CLN6: variants seen among roughly 807,000 people sequenced by gnomAD.
The protein encoded by CLN6 is CLN6 transmembrane ER protein.
In CLN6, 22 loss-of-function variants were observed where a neutral mutation model predicts 33.3. The ratio of observed to expected loss-of-function variants is 0.66; its 90% CI spans 0.47 to 0.94. CLN6 has a LOEUF of 0.94. Among genes scored for constraint, CLN6 ranks in the 40% least tolerant of loss-of-function variants. The pLI is 0.00. For synonymous variants in CLN6, 201 were observed against 174.6 expected, an observed-to-expected ratio of 1.15 and a Z score of -1.19; for missense variants, 387 against 417.1, an observed-to-expected ratio of 0.93 and a Z score of 0.63.
At chr15:68,243,410 T>C (rs1892295985) in intron 1 of CLN6, among the ~76,000 whole-genome samples, 1 of 152,224 alleles carries the variant, frequency 6.6e-6, no homozygotes, top group Non-Finnish European at 1.5e-5. Flanking sequence ...ATGAAAATCT[T>C]ACCTTATGGT....
At position 68,208,007 on chromosome 15, in the gene CLN6, C is replaced by T. The variant is rs374330147; in HGVS notation, c.*133G>A. On this transcript the variant is annotated 3_prime_UTR_variant, in exon 7 of 7. Transcript: ENST00000249806. This position sits in a 1 kb window ranked among gnomAD's most constrained non-coding sequence, Gnocchi z 5.8. Reference sequence around the variant, plus strand: ...ACACACACACACACACACGAATCCACGCACACGAGGCACACCCCACTCATG... The same window carrying T: ...ACACACACACACACACACGAATCCATGCACACGAGGCACACCCCACTCATG... 3.9e-5 allele frequency: 35 copies of T among 903,646 alleles called. No homozygotes were observed. Among genetic ancestry groups the T allele is most frequent in the Admixed American group, 1.0e-4 (5 of 48,314 alleles). The allele number at this position is 903,646 out of a possible 1,614,324, so 56.0% of individuals were successfully genotyped here.
rs1595829021 is a variant in CLN6, at chr15:68,236,615, C to T, written c.180-17965G>A. Among the ~76,000 whole-genome samples, 1 of 152,244 alleles carries T rather than the reference C, an allele frequency of 6.6e-6. No individual in the cohort carries two copies. The stretch of plus-strand genomic sequence containing the variant: ...AGTTGATAGTGATGGCTAATGGATA[C>T]AGGATTCCTCTTTGGGTTGGTATAA... On this transcript the variant is annotated intron_variant, in intron 1 of 6. Coordinates refer to the CLN6 transcript ENST00000538696. This position sits in a 1 kb window ranked among gnomAD's most constrained non-coding sequence, Gnocchi z 4.5.
In CLN6 at chr15:68,211,140, G is replaced by C. The variant is rs1310041933; in HGVS notation, c.542+123C>G. On this transcript the variant is annotated intron_variant, in intron 5 of 6. Coordinates refer to ENST00000249806, the MANE Select transcript of CLN6 (RefSeq NM_017882.3). This position sits in a 1 kb window ranked among gnomAD's most constrained non-coding sequence, Gnocchi z 5.9. The stretch of plus-strand genomic sequence containing the variant: ...GTTGAGCTCACAGTGCCTTTACAGG[G>C]GATGAGACTCAACACATGGAGACCC... 1 of 859,544 alleles carries C rather than the reference G, an allele frequency of 1.2e-6. No individual in the cohort carries two copies. Among genetic ancestry groups the C allele is most frequent in the African/African-American group, 1.6e-5 (1 of 60,656 alleles). The allele number at this position is 859,544 out of a possible 1,614,324, so 53.2% of individuals were successfully genotyped here.
At chr15:68,233,484 A>G (rs1203356721), upstream of CLN6, among the ~76,000 whole-genome samples, 2 of 152,222 alleles carry the variant, frequency 1.3e-5, no homozygotes, top group African/African-American at 4.8e-5. This position sits in a 1 kb window ranked among gnomAD's most constrained non-coding sequence, Gnocchi z 4.3. Flanking sequence ...CCACACAGCG[A>G]GTTAGAAGCC....
At chr15:68,221,231 A>ACCCCCCCCCCCCCCCCCCCCCC (rs1595822598) in intron 1 of CLN6, among the ~76,000 whole-genome samples, 1 of 116,238 alleles carries the variant, frequency 8.6e-6, no homozygotes, top group African/African-American at 3.4e-5. Flanking sequence ...CCCTCCCCCA[A>ACCCCCCCCCCCCCCCCCCCCCC]CCCTCCCCCT....
rs1219136331 is a variant in CLN6, at chr15:68,218,620, G to C, written c.114C>G (p.Ala38=). 1.9e-6 allele frequency: 3 copies of C among 1,613,706 alleles called. No individual in the cohort carries two copies. In the East Asian group the frequency reaches 6.7e-5, roughly 36 times the overall value. Residue 38 remains alanine (A), a synonymous_variant, in exon 2 of 7, where the codon GCC becomes GCG. Transcript: ENST00000249806. The part of the protein sequence containing the change: ...RHGSVSADEA[A]RTAPFHLDLW... ...GGTCGAGGTGGAAGGGAGCCGTGCG[G>C]GCAGCCTCATCAGCGCTCACAGAGC... is the stretch of plus-strand genomic sequence containing the variant.
At chr15:68,216,215 A>ATC (rs1165011157) in intron 2 of CLN6, among the ~76,000 whole-genome samples, 4 of 152,082 alleles carry the variant, frequency 2.6e-5, no homozygotes, top group Admixed American at 2.0e-4. Flanking sequence ...TCCTGGCCTC[A>ATC]TCTCTCTCTC....
rs374253199 is a variant in CLN6, at chr15:68,236,350, C to T, written c.180-17700G>A. ...ATTCATAATAGCCAACAAGTGAGAA[C>T]AACTCCAAAATCCATCAACTTGTAA... On this transcript the variant is annotated intron_variant, in intron 1 of 6. Coordinates refer to the CLN6 transcript ENST00000538696. The surrounding 1 kb of genome is among the most constrained non-coding windows in gnomAD (Gnocchi z 4.5). Among the ~76,000 whole-genome samples the T allele has an allele frequency of 3.3e-5, 5 of 152,232 alleles. No individual in the cohort carries two copies. The East Asian group carries it at 7.7e-4, about 23-fold the overall frequency.
Position 68,246,622 on chromosome 15 carries a change from A to T in CLN6, c.179+10068T>A, listed in dbSNP as rs772866098. ...ATGCCTACATCAAAAAAGCAGAAAG[A>T]CTTCAAATAAACAACCTAACAATGC... On this transcript the variant is annotated intron_variant, in intron 1 of 6. Coordinates refer to the CLN6 transcript ENST00000538696. The surrounding 1 kb of genome is among the most constrained non-coding windows in gnomAD (Gnocchi z 4.5). 2.4e-4 allele frequency among the ~76,000 whole-genome samples: 36 copies of T among 152,272 alleles called. No homozygotes were observed. The highest frequency in any genetic ancestry group is 8.7e-4 in the African/African-American group (36 of 41,532).
At chr15:68,223,469 A>T (rs1314915964) in intron 1 of CLN6, among the ~76,000 whole-genome samples, 1 of 152,184 alleles carries the variant, frequency 6.6e-6, no homozygotes, top group Non-Finnish European at 1.5e-5. Flanking sequence ...CAAAAAGCAG[A>T]GAGTGATAAC....
chr15:68,218,199 C>CT, intron 2 of CLN6: 1 of 317,434 alleles, frequency 3.2e-6, no homozygotes, highest in Non-Finnish European at 6.2e-6. Flanking sequence ...ACTTCCTTTC[C>CT]TATACCCCTT....
intron 1 of CLN6, among the ~76,000 whole-genome samples, chr15:68,223,983 T>C: frequency 6.6e-6 from 1 of 150,786 alleles, no homozygotes; most frequent in East Asian, 2.0e-4. Flanking sequence ...GAGGCGGAGG[T>C]TGCAGTGAGC....
At chr15:68,248,021 T>A in intron 1 of CLN6, among the ~76,000 whole-genome samples, 1 of 124,964 alleles carries the variant, frequency 8.0e-6, no homozygotes, top group Admixed American at 8.7e-5. Context: ...ACAGTGAAAC[T>A]CAGTCTCAAA....
upstream of CLN6, among the ~76,000 whole-genome samples, chr15:68,232,387 G>A (rs764560422): frequency 8.5e-5 from 13 of 152,238 alleles, no homozygotes; most frequent in Non-Finnish European, 1.8e-4. The surrounding 1 kb of genome is among the most constrained non-coding windows in gnomAD (Gnocchi z 4.7). Flanking sequence ...TTGATCTACT[G>A]ACCTTGTGAT....
At chr15:68,233,316 GT>G (rs1192927954), upstream of CLN6, among the ~76,000 whole-genome samples, 5 of 141,300 alleles carry the variant, frequency 3.5e-5, no homozygotes, top group African/African-American at 1.3e-4. The surrounding 1 kb of genome is among the most constrained non-coding windows in gnomAD (Gnocchi z 4.3). Context: ...GGTGGGGGGG[GT>G]GGTGCCCTGA....
rs1369867988 is a variant in CLN6, at chr15:68,211,088, G to A, written c.542+175C>T. ...CTGGGACAGCAGCTGGGTCTCCCGG[G>A]CAACCTCGGGGACAACTTCACTGGA... On this transcript the variant is annotated intron_variant, in intron 5 of 6. Coordinates refer to ENST00000249806, the MANE Select transcript of CLN6 (RefSeq NM_017882.3). The surrounding 1 kb of genome is among the most constrained non-coding windows in gnomAD (Gnocchi z 5.9). Among the ~76,000 whole-genome samples, 1 of 152,150 alleles carries A rather than the reference G, an allele frequency of 6.6e-6. No individual in the cohort carries two copies. Among genetic ancestry groups the A allele is most frequent in the Non-Finnish European group, 1.5e-5 (1 of 68,020 alleles).
intron 1 of CLN6, among the ~76,000 whole-genome samples, chr15:68,222,979 T>C (rs1223901321): frequency 6.6e-6 from 1 of 152,064 alleles, no homozygotes; most frequent in Non-Finnish European, 1.5e-5. Context: ...CCCAGGGACA[T>C]AAACACTGAG....
At chr15:68,243,538 T>C (rs928679994) in intron 1 of CLN6, among the ~76,000 whole-genome samples, 1 of 151,920 alleles carries the variant, frequency 6.6e-6, no homozygotes, top group African/African-American at 2.4e-5. Context: ...GTGGATCACC[T>C]GAGGTCAAGA....
intron 1 of CLN6, chr15:68,248,282 T>A (rs1013572254): frequency 6.6e-6 from 1 of 152,176 alleles, no homozygotes; most frequent in Non-Finnish European, 1.5e-5. Flanking sequence ...AATAACCATA[T>A]GCAGAAGAAT....
Sources: allele counts gnomAD v4.1 joint callset (sites outside exome capture counted in the v4.1 genomes callset), GRCh38; gene constraint gnomAD v4.1.1; non-coding constraint Gnocchi (gnomAD v3.1); transcripts MANE v1.5; gene names NCBI Gene and HGNC (gene_info 2026-07-23, HGNC 2026-07-21).